ATP8A2: variants seen among roughly 807,000 people sequenced by gnomAD.
ATP8A2 encodes the protein ATPase phospholipid transporting 8A2.
ATP8A2 carries 100 observed loss-of-function variants against 165.6 expected under a neutral mutation model. That is an observed-to-expected ratio of 0.60 (90% CI 0.51 to 0.71). The LOEUF (loss-of-function observed/expected upper bound fraction) is 0.71, where lower values mean the gene tolerates loss of function less well. Among genes scored for constraint, ATP8A2 ranks in the 30% least tolerant of loss-of-function variants. ATP8A2 has a pLI of 0.00. For synonymous variants in ATP8A2, 543 were observed against 548.8 expected (o/e 0.99, Z 0.15); for missense variants, 1,227 against 1,479.5 (o/e 0.83, Z 2.80).
chr13:25,502,544 A>G (rs689479), intron 2 of ATP8A2, among the ~76,000 whole-genome samples: 97,377 of 152,116 alleles, frequency 0.64, 32,255 homozygotes, highest in Middle Eastern at 0.72. Flanking sequence ...GGAATGTGAA[A>G]CATGCCTCTG....
Position 25,970,644 on chromosome 13 carries a change from T to G in ATP8A2, c.3377+1965T>G, listed in dbSNP as rs117741144. Among the ~76,000 whole-genome samples, 967 of 152,270 alleles carry G rather than the reference T, an allele frequency of 6.4e-3. 7 individuals are homozygous for G. The highest frequency in any genetic ancestry group is 0.019 in the South Asian group (93 of 4,820). On this transcript the variant is annotated intron_variant, in intron 35 of 36. Coordinates refer to ENST00000381655, the MANE Select transcript of ATP8A2 (RefSeq NM_016529.6). ...CATAGAAGAAGGCTAATATTTTCTTTGGGGGATTAAGGTTCGTGAAATATG... is the reference window on the plus strand; with the variant it reads ...CATAGAAGAAGGCTAATATTTTCTTGGGGGGATTAAGGTTCGTGAAATATG...
At chr13:25,551,798 T>C (rs781055387) in intron 11 of ATP8A2, among the ~76,000 whole-genome samples, 6 of 152,162 alleles carry the variant, frequency 3.9e-5, no homozygotes, top group Non-Finnish European at 5.9e-5. Flanking sequence ...AATCTACTTT[T>C]GATTAATACT....
At chr13:25,817,054 A>G (rs371038242) in intron 27 of ATP8A2, among the ~76,000 whole-genome samples, 3 of 152,280 alleles carry the variant, frequency 2.0e-5, no homozygotes, top group East Asian at 3.9e-4. Flanking sequence ...ACCCCCTGCC[A>G]CTGTTCCAAC....
chr13:25,904,500 C>T (rs887098630), intron 33 of ATP8A2, among the ~76,000 whole-genome samples: 3 of 152,210 alleles, frequency 2.0e-5, no homozygotes, highest in Admixed American at 1.3e-4. Flanking sequence ...CCTCACCATG[C>T]GCCTCTTCCT....
At chr13:25,481,628 A>G (rs914210539) in intron 2 of ATP8A2, among the ~76,000 whole-genome samples, 5 of 152,240 alleles carry the variant, frequency 3.3e-5, no homozygotes, top group Non-Finnish European at 7.3e-5. Flanking sequence ...TCAGGCTGCC[A>G]TAGCAAAATA....
chr13:25,428,455 T>C (rs906126883), intron 1 of ATP8A2, among the ~76,000 whole-genome samples: 1 of 152,112 alleles, frequency 6.6e-6, no homozygotes, highest in African/African-American at 2.4e-5. Flanking sequence ...GAGATCTTAG[T>C]CTATTGTGGG....
intron 24 of ATP8A2, among the ~76,000 whole-genome samples, chr13:25,637,092 C>CAAAAA (rs56069703): frequency 1.5e-5 from 1 of 67,686 alleles, no homozygotes; most frequent in African/African-American, 5.7e-5. Context: ...GACCCTGTCT[C>CAAAAA]AAAAAAAAAA....
At chr13:25,804,738 G>T (rs1365070559) in intron 27 of ATP8A2, among the ~76,000 whole-genome samples, 2 of 152,138 alleles carry the variant, frequency 1.3e-5, no homozygotes, top group East Asian at 1.9e-4. Context: ...CATTCTGGGT[G>T]CCGAGCTGCC....
At chr13:25,379,858 C>G (rs1221161503) in intron 1 of ATP8A2, among the ~76,000 whole-genome samples, 2 of 152,146 alleles carry the variant, frequency 1.3e-5, no homozygotes, top group African/African-American at 4.8e-5. Context: ...TGGGTCCACT[C>G]TAAGTTCATT....
At chr13:25,680,307 C>T (rs922342163) in intron 24 of ATP8A2, among the ~76,000 whole-genome samples, 5 of 152,024 alleles carry the variant, frequency 3.3e-5, no homozygotes, top group African/African-American at 4.8e-5. Flanking sequence ...GATCACCATG[C>T]GATGATGGAG....
chr13:25,950,379 A>T (rs1330620875), intron 33 of ATP8A2, among the ~76,000 whole-genome samples: 2 of 152,172 alleles, frequency 1.3e-5, no homozygotes, highest in African/African-American at 4.8e-5. Flanking sequence ...CTAAGGAGAA[A>T]AATAGGAAAT....
At chr13:25,795,130 A>G (rs1426928645) in intron 27 of ATP8A2, among the ~76,000 whole-genome samples, 1 of 152,186 alleles carries the variant, frequency 6.6e-6, no homozygotes, top group Non-Finnish European at 1.5e-5. Context: ...GAAAAGTTGT[A>G]CTTTATATAT....
At position 25,757,567 on chromosome 13, in the gene ATP8A2, T is replaced by G. The variant is rs145015481; in HGVS notation, c.2385-11479T>G. Among the ~76,000 whole-genome samples the G allele has an allele frequency of 4.1e-3, 620 of 152,178 alleles. 4 individuals are homozygous for G. The highest frequency in any genetic ancestry group is 0.014 in the African/African-American group (596 of 41,510). On this transcript the variant is annotated intron_variant, in intron 25 of 36. Coordinates refer to ENST00000381655, the MANE Select transcript of ATP8A2 (RefSeq NM_016529.6). Reference sequence around the variant, plus strand: ...AGAGGGTGTTCTCTGCCAAGCTGCTTGCTACTCCACTGCCTTAACCTCTCT... The same window carrying G: ...AGAGGGTGTTCTCTGCCAAGCTGCTGGCTACTCCACTGCCTTAACCTCTCT...
In ATP8A2 at chr13:25,549,185, C is replaced by T. The variant is rs148708852; in HGVS notation, c.892-2153C>T. On this transcript the variant is annotated intron_variant, in intron 10 of 36. Transcript: ENST00000381655. Reference sequence around the variant, plus strand: ...TCTTAAAAGTCCGGGCCCGGCCGGGCGCGGTGGCTCATGCCTGTAATCCCA... The same window carrying T: ...TCTTAAAAGTCCGGGCCCGGCCGGGTGCGGTGGCTCATGCCTGTAATCCCA... 5.2e-3 allele frequency among the ~76,000 whole-genome samples: 787 copies of T among 152,088 alleles called. 10 individuals are homozygous for T. Among genetic ancestry groups the T allele is most frequent in the African/African-American group, 0.013 (521 of 41,468 alleles).
chr13:25,506,189 C>G (rs1000730614), intron 2 of ATP8A2, among the ~76,000 whole-genome samples: 1 of 152,202 alleles, frequency 6.6e-6, no homozygotes, highest in African/African-American at 2.4e-5. Context: ...GCTCTCCCTG[C>G]TGAAAGTTGT....
At chr13:25,434,947 T>A (rs145665985) in intron 1 of ATP8A2, among the ~76,000 whole-genome samples, 37 of 152,286 alleles carry the variant, frequency 2.4e-4, no homozygotes, top group African/African-American at 8.9e-4. Context: ...CCCTGGATGA[T>A]GATGGCGTTA....
chr13:25,772,170 G>A (rs2044635292), intron 26 of ATP8A2, among the ~76,000 whole-genome samples: 1 of 152,098 alleles, frequency 6.6e-6, no homozygotes. Flanking sequence ...GCTGAGTCAT[G>A]GTGCTCCCCT....
At chr13:25,492,040 G>T (rs2036542964) in intron 2 of ATP8A2, among the ~76,000 whole-genome samples, 1 of 151,972 alleles carries the variant, frequency 6.6e-6, no homozygotes, top group Non-Finnish European at 1.5e-5. Context: ...TTATTTACTG[G>T]CATGATTAGA....
intron 25 of ATP8A2, among the ~76,000 whole-genome samples, chr13:25,708,442 A>G (rs2043095866): frequency 6.6e-6 from 1 of 152,206 alleles, no homozygotes; most frequent in African/African-American, 2.4e-5. Flanking sequence ...AGTATGCAAA[A>G]TAGCTCTTAC....
Sources: allele counts gnomAD v4.1 joint callset (sites outside exome capture counted in the v4.1 genomes callset), GRCh38; gene constraint gnomAD v4.1.1; transcripts MANE v1.5; gene names NCBI Gene and HGNC (gene_info 2026-07-23, HGNC 2026-07-21).